ASCC3: variants seen among roughly 807,000 people sequenced by gnomAD.
ASCC3 encodes the protein ASC-1 complex subunit P200.
Under a neutral mutation model 256.3 loss-of-function variants are expected in ASCC3, and 158 were observed. The ratio of observed to expected loss-of-function variants is 0.62; its 90% CI spans 0.54 to 0.70. The LOEUF is 0.70. Among genes scored for constraint, ASCC3 ranks in the 30% least tolerant of loss-of-function variants. ASCC3 has a pLI of 0.00. For synonymous variants in ASCC3, 948 were observed against 883.4 expected, an observed-to-expected ratio of 1.07 and a Z score of -1.30; for missense variants, 2,259 against 2,626.0, an observed-to-expected ratio of 0.86 and a Z score of 3.05.
At chr6:100,815,631 T>G (rs768948119) in intron 4 of ASCC3, among the ~76,000 whole-genome samples, 1 of 151,988 alleles carries the variant, frequency 6.6e-6, no homozygotes. Flanking sequence ...AAACATCTCA[T>G]CTTTGACACA....
chr6:100,864,064 C>G lies in ASCC3; in HGVS notation c.241G>C (p.Val81Leu). The G allele has an allele frequency of 6.4e-7, 1 of 1,552,404 alleles. No homozygotes were observed. The highest frequency in any genetic ancestry group is 8.7e-7 in the Non-Finnish European group (1 of 1,144,080). Reference protein sequence around the residue: ...KDILHAAKQIVGTDNGREAIE... With the variant: ...KDILHAAKQILGTDNGREAIE... Reference sequence around the variant, plus strand: ...AAAAAAGAAAAAAAGAAAACTATACCTATCTGCTTTGCAGCATGTAATATA... The same window carrying G: ...AAAAAAGAAAAAAAGAAAACTATACGTATCTGCTTTGCAGCATGTAATATA... Residue 81 changes from valine (V) to leucine (L), a missense_variant and splice_region_variant, in exon 3 of 42, where the codon GTT (valine) becomes CTT (leucine). This residue lies in a region of ASCC3 where 420 missense variants were observed against 419.3 expected (regional missense o/e 1.00). Coordinates refer to ENST00000369162, the MANE Select transcript of ASCC3 (RefSeq NM_006828.4).
At chr6:100,509,572 T>C in intron 41 of ASCC3, 39 bp from the exon 42 acceptor site, 1 of 1,557,976 alleles carries the variant, frequency 6.4e-7, no homozygotes, top group African/African-American at 1.4e-5. Context: ...AAAACCACTT[T>C]TGTAATCACA....
chr6:100,737,614 T>C (rs1467418865), intron 10 of ASCC3, among the ~76,000 whole-genome samples: 1 of 152,218 alleles, frequency 6.6e-6, no homozygotes. Flanking sequence ...CACATTTTCT[T>C]TATCCAGTCT....
At chr6:100,540,123 G>A in intron 37 of ASCC3, 40 bp downstream of exon 37, 1 of 1,540,230 alleles carries the variant, frequency 6.5e-7, no homozygotes, top group Non-Finnish European at 9.0e-7. Context: ...CAGGAATGAT[G>A]GGAGAAAACA....
At chr6:100,634,429 C>A (rs76385767) in intron 25 of ASCC3, among the ~76,000 whole-genome samples, 2,256 of 152,188 alleles carry the variant, frequency 0.015, 42 homozygotes, top group African/African-American at 0.052. Context: ...GGTTCAGTAC[C>A]ATCAGGTTGC....
chr6:100,625,286 G>C lies in ASCC3; in HGVS notation c.4691C>G (p.Ser1564Ter). ...AGCAGTAAGACGAGTTTGACGTCTT[G>C]ATGAGACAAATATCAAAACAGGTTT... Reference protein sequence around the residue: ...PAKPVLIFVSSRRQTRLTALE... With the variant: ...PAKPVLIFVS Residue 1564 changes from serine (S) to a stop codon, truncating the protein, a stop_gained, in exon 30 of 42, where the codon TCA (serine) becomes TGA (stop). Transcript: ENST00000369162. LOFTEE classifies it high-confidence loss of function. 6.2e-7 allele frequency: 1 copy of C among 1,612,898 alleles called. No individual in the cohort carries two copies. Among genetic ancestry groups the C allele is most frequent in the Non-Finnish European group, 8.5e-7 (1 of 1,179,166 alleles).
intron 3 of ASCC3, among the ~76,000 whole-genome samples, chr6:100,849,776 A>G (rs1772568264): frequency 6.6e-6 from 1 of 152,120 alleles, no homozygotes; most frequent in African/African-American, 2.4e-5. Context: ...AAATACTGTT[A>G]AAGTTAATAA....
chr6:100,656,428 T>C (rs1396691808), intron 16 of ASCC3, among the ~76,000 whole-genome samples: 5 of 151,666 alleles, frequency 3.3e-5, no homozygotes, highest in Admixed American at 2.0e-4. Flanking sequence ...TAATAATACA[T>C]ACATTTTAAC....
intron 8 of ASCC3, 73 bp from the exon 9 acceptor site, chr6:100,767,418 C>T: frequency 7.1e-7 from 1 of 1,416,042 alleles, no homozygotes; most frequent in African/African-American, 1.4e-5. Context: ...TATGTGTTAA[C>T]ATTTATTTCC....
intron 14 of ASCC3, among the ~76,000 whole-genome samples, chr6:100,665,746 C>CA (rs35000547): frequency 0.57 from 81,627 of 143,784 alleles, 22,601 homozygotes; most frequent in East Asian, 0.73. Context: ...TCTCAAAAAA[C>CA]AAAAAAAAAA....
At chr6:100,601,298 T>C (rs1186514560) in intron 34 of ASCC3, among the ~76,000 whole-genome samples, 2 of 152,140 alleles carry the variant, frequency 1.3e-5, no homozygotes, top group Non-Finnish European at 2.9e-5. Flanking sequence ...GTACTCATTT[T>C]TACATCTCAG....
In ASCC3 at chr6:100,642,715, G is replaced by A. The variant is rs1464017765; in HGVS notation, c.3767C>T (p.Thr1256Ile). ...ISKEAQLLVF[T>I]IPIFEPLPSQ... ...AGGCAAAGGCTCAAAAATAGGGATT[G>A]TAAATACCAGTAGTTGGGCTTCTTT... The change falls in exon 24 of 42, where the codon ACA (threonine) becomes ATA (isoleucine). Residue 1256 changes from threonine (T) to isoleucine (I), a missense_variant. Physicochemically the swap from Thr to Ile is moderately conservative, Grantham distance 89. Transcript: ENST00000369162. 6.2e-7 allele frequency: 1 copy of A among 1,613,512 alleles called. No individual in the cohort carries two copies. The highest frequency in any genetic ancestry group is 8.5e-7 in the Non-Finnish European group (1 of 1,179,650).
chr6:100,880,394 G>A (rs1384273086), intron 1 of ASCC3, among the ~76,000 whole-genome samples: 1 of 152,178 alleles, frequency 6.6e-6, no homozygotes. Flanking sequence ...GAGTTTGAAT[G>A]CACAAGTGAC....
intron 10 of ASCC3, among the ~76,000 whole-genome samples, chr6:100,741,542 A>C (rs1001323891): frequency 1.3e-5 from 2 of 152,000 alleles, no homozygotes; most frequent in Non-Finnish European, 2.9e-5. Flanking sequence ...ATCAGTTTCT[A>C]CCTAATCAAA....
At chr6:100,741,009 T>C (rs1047878392) in intron 10 of ASCC3, among the ~76,000 whole-genome samples, 1 of 152,218 alleles carries the variant, frequency 6.6e-6, no homozygotes, top group Non-Finnish European at 1.5e-5. Flanking sequence ...GTTTTTGTAG[T>C]GACTGGTAAT....
intron 37 of ASCC3, among the ~76,000 whole-genome samples, chr6:100,534,692 G>T (rs1005514964): frequency 6.6e-6 from 1 of 152,102 alleles, no homozygotes; most frequent in Non-Finnish European, 1.5e-5. Context: ...CATATTGAAA[G>T]GAACCATGAC....
intron 3 of ASCC3, among the ~76,000 whole-genome samples, chr6:100,854,058 C>T (rs1177779440): frequency 6.6e-6 from 1 of 151,738 alleles, no homozygotes; most frequent in East Asian, 1.9e-4. Flanking sequence ...CTAAACTAGT[C>T]TCATGAATCT....
intron 37 of ASCC3, among the ~76,000 whole-genome samples, chr6:100,522,566 T>C (rs1379656119): frequency 1.3e-5 from 2 of 151,736 alleles, no homozygotes; most frequent in African/African-American, 4.8e-5. Context: ...GCAGTCAAAA[T>C]AATTAAAATG....
In ASCC3 at chr6:100,743,946, G is replaced by C. The variant is rs367728961; in HGVS notation, c.1738-18243C>G. On this transcript the variant is annotated intron_variant, in intron 10 of 41. Transcript: ENST00000369162. ...CATCATCATCATTACCATCATGCAG[G>C]GTTTTTAAACTATTTTTAAAATTGT... is the stretch of plus-strand genomic sequence containing the variant. Among the ~76,000 whole-genome samples the C allele has an allele frequency of 2.4e-4, 36 of 152,078 alleles. No homozygotes were observed. The East Asian group carries it at 6.2e-3, about 26-fold the overall frequency.
Sources: gnomAD v4.1 joint callset for allele counts (sites outside exome capture counted in the v4.1 genomes callset) on GRCh38, gnomAD v4.1.1 for gene constraint, gnomAD v4.1.1 regional missense constraint, MANE v1.5 for transcripts, NCBI Gene and HGNC (gene_info 2026-07-23, HGNC 2026-07-21) for gene names.